Variants in SPAST observed in about 807,000 individuals in gnomAD.
The protein encoded by SPAST is spastic paraplegia 4 (autosomal dominant; spastin).
Under a neutral mutation model 76.6 loss-of-function variants are expected in SPAST, and 30 were observed. The observed-to-expected ratio is 0.39, with a 90% CI of 0.29 to 0.53. The LOEUF (loss-of-function observed/expected upper bound fraction) is 0.53. Ranked by LOEUF, SPAST falls within the 20% of genes least tolerant of loss-of-function variation. SPAST has a pLI of 0.68. For missense variants in SPAST, 717 were observed against 770.5 expected (o/e 0.93, Z 0.82); for synonymous variants, 305 against 281.0 (o/e 1.09, Z -0.86).
rs1431895974 is a variant in SPAST, at chr2:32,063,775, G to T, written c.-57G>T. On this transcript the variant is annotated 5_prime_UTR_variant, in exon 1 of 17. Coordinates refer to ENST00000315285, the MANE Select transcript of SPAST (RefSeq NM_014946.4). The stretch of plus-strand genomic sequence containing the variant: ...GTAGCAGTGGCTGCCGCCGTCGCTT[G>T]GTTCCCGTCGGTCTGCGGGAGGCGG... 3 of 1,534,488 alleles carry T rather than the reference G, an allele frequency of 2.0e-6. No homozygotes were observed. Among genetic ancestry groups the T allele is most frequent in the Non-Finnish European group, 2.6e-6 (3 of 1,147,454 alleles).
chr2:32,116,509 A>G (rs565259735), intron 7 of SPAST, among the ~76,000 whole-genome samples: 4 of 152,282 alleles, frequency 2.6e-5, no homozygotes, highest in African/African-American at 9.6e-5. Flanking sequence ...TGTGTCGCCC[A>G]GGCTGGAGTG....
intron 3 of SPAST, among the ~76,000 whole-genome samples, chr2:32,095,794 A>T (rs1215835565): frequency 6.6e-6 from 1 of 152,120 alleles, no homozygotes; most frequent in Non-Finnish European, 1.5e-5. Context: ...AAATGTGATG[A>T]CATGAACAAA....
chr2:32,097,990 G>A (rs1197917605), intron 3 of SPAST, among the ~76,000 whole-genome samples: 2 of 152,056 alleles, frequency 1.3e-5, no homozygotes, highest in South Asian at 4.1e-4. Flanking sequence ...GAGCCACTGC[G>A]CCTGGCTGTC....
At chr2:32,149,617 A>G (rs935582292) in intron 16 of SPAST, among the ~76,000 whole-genome samples, 6 of 152,212 alleles carry the variant, frequency 3.9e-5, no homozygotes, top group Non-Finnish European at 7.3e-5. Flanking sequence ...ACTTGGGGGA[A>G]AAAAGCATCT....
At chr2:32,087,217 G>T (rs1677517550) in intron 1 of SPAST, among the ~76,000 whole-genome samples, 1 of 152,002 alleles carries the variant, frequency 6.6e-6, no homozygotes, top group Non-Finnish European at 1.5e-5. Flanking sequence ...ATGTCTTTCT[G>T]TAATACAGCA....
chr2:32,128,085 T>A lies in SPAST; in HGVS notation c.1174-323T>A, dbSNP rs1434487310. 9 of 327,004 alleles carry A rather than the reference T, an allele frequency of 2.8e-5. No homozygotes were observed. The Admixed American group carries it at 4.1e-4, about 15-fold the overall frequency. The allele number at this position is 327,004 out of a possible 1,614,324, so 20.3% of individuals were successfully genotyped here. A position where few individuals can be genotyped will look rare whatever the true frequency, so the allele number is the denominator to read the frequency against. ...TCTCGGCTCACTACCATCTCTTCCT[T>A]CTGGGTTCAAGCAATTCTGCCACGT... is the stretch of plus-strand genomic sequence containing the variant. On this transcript the variant is annotated intron_variant, in intron 8 of 16. Transcript: ENST00000315285.
intron 15 of SPAST, among the ~76,000 whole-genome samples, chr2:32,146,883 A>G (rs1028995114): frequency 6.7e-6 from 1 of 148,902 alleles, no homozygotes; most frequent in African/African-American, 2.5e-5. Flanking sequence ...AAAAAAAAGT[A>G]AATACATAAA....
chr2:32,089,085 A>G (rs1479937946), intron 2 of SPAST, among the ~76,000 whole-genome samples: 2 of 152,098 alleles, frequency 1.3e-5, no homozygotes, highest in African/African-American at 4.8e-5. Context: ...TCTTTGAGAC[A>G]GGGTCTCACC....
At chr2:32,105,271 C>G (rs1017723416) in intron 4 of SPAST, among the ~76,000 whole-genome samples, 1 of 152,204 alleles carries the variant, frequency 6.6e-6, no homozygotes, top group Non-Finnish European at 1.5e-5. Context: ...GCATGCATCA[C>G]GTAGTTTTCG....
chr2:32,075,462 T>A (rs1573046895), intron 1 of SPAST, among the ~76,000 whole-genome samples: 1 of 142,776 alleles, frequency 7.0e-6, no homozygotes, highest in Non-Finnish European at 1.5e-5. Context: ...ACAAAAATAT[T>A]TGTGTTAATT....
At chr2:32,068,325 CTTTT>C (rs34133490) in intron 1 of SPAST, among the ~76,000 whole-genome samples, 1 of 132,244 alleles carries the variant, frequency 7.6e-6, no homozygotes, top group Non-Finnish European at 1.6e-5. Flanking sequence ...GTTGACAGCT[CTTTT>C]TTTTTTTTTT....
intron 5 of SPAST, 102 bp downstream of exon 5, chr2:32,114,927 T>G: frequency 1.2e-6 from 1 of 844,424 alleles, no homozygotes; most frequent in Non-Finnish European, 1.9e-6. Context: ...TATAATACTT[T>G]AGAGAATGGA....
intron 16 of SPAST, among the ~76,000 whole-genome samples, chr2:32,147,472 A>G (rs1039272332): frequency 1.3e-5 from 2 of 148,736 alleles, no homozygotes; most frequent in Non-Finnish European, 1.5e-5. Flanking sequence ...ATGTACCACC[A>G]AGCCCAGCTA....
chr2:32,109,369 A>G (rs967097745), intron 4 of SPAST, among the ~76,000 whole-genome samples: 1 of 151,984 alleles, frequency 6.6e-6, no homozygotes, highest in African/African-American at 2.4e-5. Context: ...TCGGCCTCTC[A>G]AAGTGCTGGG....
Position 32,136,985 on chromosome 2 carries a change from A to C in SPAST, c.1413+17A>C. Reference sequence around the variant, plus strand: ...TTTGATGGTGTAAGTGTTGATTATGATATTTTTAATGTGGCAGCATTTTAG... The same window carrying C: ...TTTGATGGTGTAAGTGTTGATTATGCTATTTTTAATGTGGCAGCATTTTAG... On this transcript the variant is annotated intron_variant, in intron 11 of 16. Coordinates refer to ENST00000315285, the MANE Select transcript of SPAST (RefSeq NM_014946.4). 1 of 1,586,958 alleles carries C rather than the reference A, an allele frequency of 6.3e-7. No homozygotes were observed. Among genetic ancestry groups the C allele is most frequent in the Non-Finnish European group, 8.6e-7 (1 of 1,158,648 alleles).
At chr2:32,087,848 A>G (rs1412233062) in intron 2 of SPAST, among the ~76,000 whole-genome samples, 6 of 144,054 alleles carry the variant, frequency 4.2e-5, no homozygotes, top group African/African-American at 1.5e-4. Context: ...GGCGCACACT[A>G]CCATACTTAG....
intron 4 of SPAST, among the ~76,000 whole-genome samples, chr2:32,111,398 A>ATATATAGTATACTGTATAGCGTATAGAG (rs1678597599): frequency 2.1e-5 from 3 of 146,180 alleles, no homozygotes; most frequent in African/African-American, 7.4e-5. Context: ...CGTATAGAGT[A>ATATATAGTATACTGTATAGCGTATAGAG]TATATATAGT....
At chr2:32,099,438 G>A (rs1678037960) in intron 4 of SPAST, among the ~76,000 whole-genome samples, 1 of 152,130 alleles carries the variant, frequency 6.6e-6, no homozygotes, top group African/African-American at 2.4e-5. Flanking sequence ...TTCTACAGAA[G>A]ATTAAATGTC....
rs186462641 is a variant in SPAST at position 32,148,394 on chromosome 2, G to A, written c.1728+1136G>A. ...ACCAAACAGAAGAAAATTACAGGCC[G>A]GGTGCGGTGGCTCACGCCTGTAATC... On this transcript the variant is annotated intron_variant, in intron 16 of 16. Transcript: ENST00000315285. 3.4e-3 allele frequency among the ~76,000 whole-genome samples: 519 copies of A among 152,114 alleles called. 2 individuals are homozygous for A. Among genetic ancestry groups the A allele is most frequent in the Admixed American group, 7.7e-3 (117 of 15,268 alleles).
Sources: allele counts gnomAD v4.1 joint callset (sites outside exome capture counted in the v4.1 genomes callset), GRCh38; gene constraint gnomAD v4.1.1; transcripts MANE v1.5; gene names NCBI Gene and HGNC (gene_info 2026-07-23, HGNC 2026-07-21).